Variants in FAM169A observed in about 807,000 individuals in gnomAD.
The protein encoded by FAM169A is family with sequence similarity 169 member A.
In FAM169A, 24 loss-of-function variants were observed where a neutral mutation model predicts 75.7. That is an observed-to-expected ratio of 0.32 (90% CI 0.23 to 0.45). FAM169A has a LOEUF of 0.45. FAM169A is among the 20% of genes least tolerant of loss of function. The probability of loss-of-function intolerance (pLI) is 1.00; values close to 1 mark genes in which losing one functional copy is unlikely to be tolerated. For synonymous variants in FAM169A, 271 were observed against 271.0 expected, an observed-to-expected ratio of 1.00 and a Z score of 0.00; for missense variants, 673 against 784.0, an observed-to-expected ratio of 0.86 and a Z score of 1.69.
intron 1 of FAM169A, among the ~76,000 whole-genome samples, chr5:74,847,072 C>T (rs1355688586): frequency 6.6e-6 from 1 of 152,184 alleles, no homozygotes; most frequent in East Asian, 1.9e-4. Context: ...TCTCAATTCA[C>T]TTAAAATAAC....
At chr5:74,866,518 T>C (rs1750357866), upstream of FAM169A, 1 of 606,434 alleles carries the variant, frequency 1.6e-6, no homozygotes, top group Non-Finnish European at 2.1e-6. Context: ...AGCCCCGGCT[T>C]TCAGGCGCCG....
chr5:74,830,629 C>T (rs1291633043), intron 5 of FAM169A, among the ~76,000 whole-genome samples: 1 of 152,156 alleles, frequency 6.6e-6, no homozygotes, highest in Non-Finnish European at 1.5e-5. Flanking sequence ...GCATATATCC[C>T]AGTTCACTAT....
Sources: allele counts gnomAD v4.1 joint callset (sites outside exome capture counted in the v4.1 genomes callset), GRCh38; gene constraint gnomAD v4.1.1; transcripts MANE v1.5; gene names NCBI Gene and HGNC (gene_info 2026-07-23, HGNC 2026-07-21).